The following TRIO variants were observed in gnomAD, a reference collection of about 807,000 sequenced individuals.
TRIO encodes the protein trio Rho guanine nucleotide exchange factor, also known as triple functional domain protein.
A neutral mutation model predicts 351.9 loss-of-function variants in TRIO; 58 were observed. The observed-to-expected ratio is 0.16, with a 90% CI of 0.13 to 0.21. The LOEUF (loss-of-function observed/expected upper bound fraction) is 0.21, where lower values mean the gene tolerates loss of function less well. Ranked by LOEUF, TRIO falls within the 10% of genes least tolerant of loss-of-function variation. The pLI is 1.00. For synonymous variants in TRIO, 1,758 were observed against 1,595.7 expected (o/e 1.10, Z -2.42); for missense variants, 3,201 against 4,027.8 (o/e 0.79, Z 5.56).
chr5:14,322,110 G>A (rs1293790970), intron 9 of TRIO, among the ~76,000 whole-genome samples: 1 of 152,204 alleles, frequency 6.6e-6, no homozygotes, highest in East Asian at 1.9e-4. Flanking sequence ...GGACCACAGA[G>A]ACAGCCATCA....
At chr5:14,379,216 C>T (rs1048731849) in intron 20 of TRIO, among the ~76,000 whole-genome samples, 1 of 152,128 alleles carries the variant, frequency 6.6e-6, no homozygotes, top group African/African-American at 2.4e-5. Flanking sequence ...TGGTGTTGAC[C>T]CACATTCTGA....
At chr5:14,427,098 T>TGTGACTGCA (rs1209914560) in intron 34 of TRIO, among the ~76,000 whole-genome samples, 3 of 152,138 alleles carry the variant, frequency 2.0e-5, no homozygotes, top group Admixed American at 1.3e-4. Context: ...GTAAGCACTG[T>TGTGACTGCA]GTGACTGCAA....
chr5:14,387,125 G>T (rs746008498), intron 21 of TRIO, among the ~76,000 whole-genome samples: 5 of 152,206 alleles, frequency 3.3e-5, no homozygotes, highest in Non-Finnish European at 5.9e-5. Context: ...CGCGTTCTTC[G>T]CATACATTCC....
chr5:14,276,842 C>T (rs1383838708), intron 2 of TRIO, among the ~76,000 whole-genome samples: 1 of 152,152 alleles, frequency 6.6e-6, no homozygotes, highest in Non-Finnish European at 1.5e-5. Flanking sequence ...CCACATTGCT[C>T]AAGAGACCAA....
intron 1 of TRIO, among the ~76,000 whole-genome samples, chr5:14,236,979 CTG>C (rs1308808046): frequency 6.6e-6 from 1 of 152,186 alleles, no homozygotes; most frequent in Non-Finnish European, 1.5e-5. Context: ...CTGTTACACT[CTG>C]TGATAACCTG....
At chr5:14,323,639 G>A (rs958542732) in intron 9 of TRIO, among the ~76,000 whole-genome samples, 9 of 152,240 alleles carry the variant, frequency 5.9e-5, no homozygotes, top group Non-Finnish European at 1.3e-4. Context: ...GCCGCATGGC[G>A]ATTAGACAGC....
intron 34 of TRIO, among the ~76,000 whole-genome samples, chr5:14,458,494 A>T (rs1304937177): frequency 6.6e-6 from 1 of 152,082 alleles, no homozygotes; most frequent in Non-Finnish European, 1.5e-5. Context: ...CTCAACCCTA[A>T]CAGGGTTTGT....
At chr5:14,335,317 C>T (rs1351575909) in intron 10 of TRIO, among the ~76,000 whole-genome samples, 1 of 152,204 alleles carries the variant, frequency 6.6e-6, no homozygotes, top group African/African-American at 2.4e-5. Context: ...ACCGATGAGA[C>T]GCCTTCCCTG....
At chr5:14,210,915 C>T (rs1219640664) in intron 1 of TRIO, among the ~76,000 whole-genome samples, 1 of 150,540 alleles carries the variant, frequency 6.6e-6, no homozygotes, top group Non-Finnish European at 1.5e-5. Flanking sequence ...TCACCCTTCT[C>T]CTCTCTGTCC....
At chr5:14,315,251 C>CTTTT (rs761690853) in intron 8 of TRIO, among the ~76,000 whole-genome samples, 9 of 137,606 alleles carry the variant, frequency 6.5e-5, no homozygotes, top group African/African-American at 2.4e-4. Context: ...ACTTGCTCCT[C>CTTTT]TTTTTTTTTT....
At chr5:14,223,255 T>C (rs951275759) in intron 1 of TRIO, among the ~76,000 whole-genome samples, 1 of 140,440 alleles carries the variant, frequency 7.1e-6, no homozygotes, top group African/African-American at 2.6e-5. Context: ...GTTTCTTACC[T>C]TGACAGAGAT....
intron 29 of TRIO, 146 bp from the exon 30 acceptor site, chr5:14,398,734 G>A (rs768370946): frequency 5.7e-6 from 4 of 705,294 alleles, no homozygotes; most frequent in African/African-American, 3.6e-5. Context: ...GGTCAGTGGC[G>A]TCGAGTCAGG....
chr5:14,472,744 C>T (rs1321402210), intron 39 of TRIO, 86 bp downstream of exon 39: 9 of 1,387,764 alleles, frequency 6.5e-6, no homozygotes, highest in African/African-American at 4.4e-5. Context: ...GAACACCTCT[C>T]AAAAGCTTTA....
intron 48 of TRIO, among the ~76,000 whole-genome samples, chr5:14,490,044 C>T (rs1415535330): frequency 3.9e-5 from 6 of 152,122 alleles, no homozygotes; most frequent in Non-Finnish European, 7.4e-5. Flanking sequence ...TTTGGGAGGC[C>T]GAGACGGGCA....
Position 14,474,014 on chromosome 5 carries a change from A to G in TRIO, c.6000A>G (p.Lys2000=). Reference sequence around the variant, plus strand: ...TGTAGGGCTACATGGCACTTATGAAAGAAGATGGTGTTCCTGATGACATGA... The same window carrying G: ...TGTAGGGCTACATGGCACTTATGAAGGAAGATGGTGTTCCTGATGACATGA... ...YVVEGYMALM[K]EDGVPDDMKG... Residue 2000 remains lysine, a synonymous_variant, in exon 40 of 57, where the codon AAA becomes AAG. Coordinates refer to ENST00000344204, the MANE Select transcript of TRIO (RefSeq NM_007118.4). The G allele has an allele frequency of 6.2e-7, 1 of 1,613,458 alleles. No homozygotes were observed. Among genetic ancestry groups the G allele is most frequent in the Non-Finnish European group, 8.5e-7 (1 of 1,179,418 alleles).
At chr5:14,420,056 A>T in intron 34 of TRIO, 35 bp downstream of exon 34, 1 of 1,599,424 alleles carries the variant, frequency 6.3e-7, no homozygotes, top group Non-Finnish European at 8.5e-7. Context: ...GCAGACCCCT[A>T]CTGGAAGTGG....
chr5:14,329,439 C>G lies in TRIO; in HGVS notation c.1732-1339C>G, dbSNP rs890066146. Among the ~76,000 whole-genome samples the G allele has an allele frequency of 5.3e-5, 8 of 152,336 alleles. No individual in the cohort carries two copies. In the East Asian group the frequency reaches 1.4e-3, roughly 26 times the overall value. The stretch of plus-strand genomic sequence containing the variant: ...CCTGAGAGAGCTTGTTTGCCCCTTC[C>G]TCCATGTGAGGACACATAGAAGGCA... On this transcript the variant is annotated intron_variant, in intron 9 of 56. Transcript: ENST00000344204.
intron 1 of TRIO, among the ~76,000 whole-genome samples, chr5:14,213,689 A>G (rs1359061696): frequency 6.6e-6 from 1 of 152,256 alleles, no homozygotes; most frequent in Non-Finnish European, 1.5e-5. Context: ...AAGTCAGGGA[A>G]AATTTTGTAA....
intron 34 of TRIO, among the ~76,000 whole-genome samples, chr5:14,446,226 T>C (rs1752430541): frequency 6.6e-6 from 1 of 152,068 alleles, no homozygotes; most frequent in African/African-American, 2.4e-5. Flanking sequence ...CAGGAAGACT[T>C]AACAACAGGA....
Sources: allele counts gnomAD v4.1 joint callset (sites outside exome capture counted in the v4.1 genomes callset), GRCh38; gene constraint gnomAD v4.1.1; transcripts MANE v1.5; gene names NCBI Gene and HGNC (gene_info 2026-07-23, HGNC 2026-07-21).